The following NOX1 variants were observed in gnomAD, a reference collection of about 807,000 sequenced individuals.
NOX1 encodes NADH/NADPH mitogenic oxidase subunit P65-MOX.
In NOX1, 34 loss-of-function variants were observed where a neutral mutation model predicts 42.5. That is an observed-to-expected ratio of 0.80 (90% confidence interval 0.61 to 1.07). NOX1 has a LOEUF of 1.07. Ranked by LOEUF, NOX1 falls within the 50% of genes least tolerant of loss-of-function variation. The probability of loss-of-function intolerance (pLI) is 0.00; values close to 1 mark genes in which losing one functional copy is unlikely to be tolerated. For synonymous variants in NOX1, 143 were observed against 152.5 expected, an observed-to-expected ratio of 0.94 and a Z score of 0.46; for missense variants, 408 against 427.0, an observed-to-expected ratio of 0.96 and a Z score of 0.39.
intron 7 of NOX1, among the ~76,000 whole-genome samples, chrX:100,851,580 G>A (rs2085115136): frequency 8.9e-6 from 1 of 112,001 alleles, no homozygotes; most frequent in Non-Finnish European, 1.9e-5. Flanking sequence ...GAAAAGCACA[G>A]AAATGGAACA....
intron 6 of NOX1, 21 bp from the exon 7 acceptor site, chrX:100,862,324 T>A: frequency 8.3e-7 from 1 of 1,211,299 alleles, no homozygotes; most frequent in East Asian, 3.0e-5. Context: ...CAAAGAAGGA[T>A]GGTTTGGGAC....
In NOX1 at chrX:100,870,724, G is replaced by C; in HGVS notation, c.136C>G (p.Leu46Val). 8.8e-7 allele frequency: 1 copy of C among 1,141,281 alleles called. No homozygotes were observed. The highest frequency in any genetic ancestry group is 2.2e-5 in the Admixed American group (1 of 44,790). 94.1% of individuals were successfully genotyped at this position (1,141,281 alleles called of 1,213,427 possible). A position where few individuals can be genotyped will look rare whatever the true frequency, so the allele number is the denominator to read the frequency against. Reference sequence around the variant, plus strand: ...GTGACAACCGTGATACTCACCCCAAGGATTTTTCTTGTGTAGTAGTATTTG... The same window carrying C: ...GTGACAACCGTGATACTCACCCCAACGATTTTTCTTGTGTAGTAGTATTTG... The part of the protein sequence containing the change: ...ADKYYYTRKI[L>V]GSTLACARAS... Residue 46 changes from leucine (L) to valine (V), a missense_variant, in exon 2 of 13, where the codon CTT (leucine) becomes GTT (valine). Coordinates refer to ENST00000372966, the MANE Select transcript of NOX1 (RefSeq NM_007052.5).
At chrX:100,851,195 A>C in intron 8 of NOX1, 38 bp downstream of exon 8, 1 of 869,515 alleles carries the variant, frequency 1.2e-6, no homozygotes. Flanking sequence ...GTAGAAGATA[A>C]CTCTTATCAC....
intron 2 of NOX1, among the ~76,000 whole-genome samples, chrX:100,868,220 T>C (rs1432496068): frequency 8.9e-6 from 1 of 112,076 alleles, no homozygotes; most frequent in African/African-American, 3.2e-5. Context: ...AAATTAGTTG[T>C]GATCTCAACA....
chrX:100,864,195 GC>G (rs2085224381), intron 2 of NOX1, among the ~76,000 whole-genome samples: 1 of 111,415 alleles, frequency 9.0e-6, no homozygotes, highest in Non-Finnish European at 1.9e-5. Flanking sequence ...TTGCCATGTT[GC>G]CCAGGCTGGT....
intron 1 of NOX1, 114 bp downstream of exon 1, chrX:100,873,981 G>T: frequency 1.9e-6 from 1 of 524,350 alleles, no homozygotes; most frequent in South Asian, 4.1e-5. Flanking sequence ...TGGTCTTGAT[G>T]AGCCCAATAA....
At position 100,862,892 on chromosome X, in the gene NOX1, T is replaced by G; in HGVS notation, c.338-72A>C. 8 of 979,749 alleles carry G rather than the reference T, an allele frequency of 8.2e-6. No individual in the cohort carries two copies. The South Asian group carries it at 1.2e-4, about 15-fold the overall frequency. The allele number at this position is 979,749 out of a possible 1,213,427, so 80.7% of individuals were successfully genotyped here. A position where few individuals can be genotyped will look rare whatever the true frequency, so the allele number is the denominator to read the frequency against. On this transcript the variant is annotated intron_variant, in intron 4 of 12. Coordinates refer to ENST00000372966, the MANE Select transcript of NOX1 (RefSeq NM_007052.5). ...TCATGGCAGGTGTGCCCCACTAGAC[T>G]AGAAGAATCCTACATTATAGTGCTT...
At chrX:100,849,515 C>A in intron 10 of NOX1, 89 bp from the exon 11 acceptor site, 1 of 975,710 alleles carries the variant, frequency 1.0e-6, no homozygotes. Flanking sequence ...CAGGAATGTT[C>A]AGAGTTCTGA....
At chrX:100,865,496 A>G (rs186116962) in intron 2 of NOX1, among the ~76,000 whole-genome samples, 269 of 112,328 alleles carry the variant, frequency 2.4e-3, no homozygotes, top group African/African-American at 8.2e-3. Flanking sequence ...TCATTAATGC[A>G]TAATTGACTA....
chrX:100,853,300 T>TCTCTTTC (rs1569445611), intron 7 of NOX1, among the ~76,000 whole-genome samples: 10 of 69,378 alleles, frequency 1.4e-4, no homozygotes, highest in African/African-American at 6.5e-4. Flanking sequence ...CTTTCTTTCT[T>TCTCTTTC]TCTTTCTTTC....
intron 7 of NOX1, chrX:100,856,444 A>G (rs1473199304): frequency 2.2e-6 from 1 of 448,625 alleles, no homozygotes; most frequent in East Asian, 3.6e-5. Flanking sequence ...CGGAAAGGCA[A>G]TAGCTCCCTA....
At chrX:100,853,292 T>TTCTCTTTC (rs1246213955) in intron 7 of NOX1, among the ~76,000 whole-genome samples, 4 of 65,923 alleles carry the variant, frequency 6.1e-5, no homozygotes. Flanking sequence ...CTTTCTTTCT[T>TTCTCTTTC]TCTTTCTTTC....
At chrX:100,856,210 A>G in intron 7 of NOX1, 1 of 994,821 alleles carries the variant, frequency 1.0e-6, no homozygotes, top group South Asian at 1.9e-5. Flanking sequence ...TGACAAACCC[A>G]CAGCCCCTGG....
At chrX:100,866,254 A>T (rs2085236738) in intron 2 of NOX1, among the ~76,000 whole-genome samples, 1 of 109,945 alleles carries the variant, frequency 9.1e-6, no homozygotes, top group African/African-American at 3.3e-5. Context: ...GATATCTGAG[A>T]TATATTAACA....
intron 12 of NOX1, among the ~76,000 whole-genome samples, chrX:100,848,351 C>T (rs769882722): frequency 2.2e-4 from 24 of 110,666 alleles, no homozygotes; most frequent in African/African-American, 6.9e-4. Context: ...AGTGCAATGG[C>T]GCTATCTCAG....
In NOX1 at chrX:100,843,867, G is replaced by T; in HGVS notation, c.*85C>A. 1.2e-6 allele frequency: 1 copy of T among 836,668 alleles called. No individual in the cohort carries two copies. The highest frequency in any genetic ancestry group is 2.7e-5 in the South Asian group (1 of 37,163). 69.0% of individuals were successfully genotyped at this position (836,668 alleles called of 1,213,427 possible). On this transcript the variant is annotated 3_prime_UTR_variant, in exon 13 of 13. Coordinates refer to ENST00000372966, the MANE Select transcript of NOX1 (RefSeq NM_007052.5). ...TTGAGAGGCACATTCTTATCCTAAAGTGACTGCTCAAACCTGACGAGACCA... is the reference window on the plus strand; with the variant it reads ...TTGAGAGGCACATTCTTATCCTAAATTGACTGCTCAAACCTGACGAGACCA...
intron 9 of NOX1, 47 bp downstream of exon 9, chrX:100,850,104 G>A: frequency 9.4e-7 from 1 of 1,061,971 alleles, no homozygotes; most frequent in Non-Finnish European, 1.3e-6. Flanking sequence ...TCTCTTTTCT[G>A]CCAGTCTGCA....
rs969346155 is a variant in NOX1 at position 100,843,876 on chromosome X, C to T, written c.*76G>A. 1.1e-6 allele frequency: 1 copy of T among 950,735 alleles called. No individual in the cohort carries two copies. The allele number at this position is 950,735 out of a possible 1,213,427, so 78.4% of individuals were successfully genotyped here. A position where few individuals can be genotyped will look rare whatever the true frequency, so the allele number is the denominator to read the frequency against. On this transcript the variant is annotated 3_prime_UTR_variant, in exon 13 of 13. Coordinates refer to ENST00000372966, the MANE Select transcript of NOX1 (RefSeq NM_007052.5). Reference sequence around the variant, plus strand: ...ACATTCTTATCCTAAAGTGACTGCTCAAACCTGACGAGACCAAGTAAATTA... The same window carrying T: ...ACATTCTTATCCTAAAGTGACTGCTTAAACCTGACGAGACCAAGTAAATTA...
intron 11 of NOX1, 83 bp from the exon 12 acceptor site, chrX:100,848,837 A>G: frequency 9.9e-7 from 1 of 1,013,749 alleles, no homozygotes; most frequent in Non-Finnish European, 1.3e-6. Flanking sequence ...ATACTTTGGG[A>G]GGCCGAGGTG....
Sources: allele counts gnomAD v4.1 joint callset (sites outside exome capture counted in the v4.1 genomes callset), GRCh38; gene constraint gnomAD v4.1.1; transcripts MANE v1.5; gene names NCBI Gene and HGNC (gene_info 2026-07-23, HGNC 2026-07-21).